The following DPH6 variants were observed in gnomAD, a reference collection of about 807,000 sequenced individuals.
The protein encoded by DPH6 is diphthine--ammonia ligase.
In DPH6, 33 loss-of-function variants were observed where a neutral mutation model predicts 38.2. That is an observed-to-expected ratio of 0.86 (90% CI 0.65 to 1.15). The LOEUF (loss-of-function observed/expected upper bound fraction) is 1.15, where lower values mean the gene tolerates loss of function less well. Among genes scored for constraint, DPH6 ranks in the 50% most tolerant of loss-of-function variants. The probability of loss-of-function intolerance (pLI) is 0.00; values close to 1 mark genes in which losing one functional copy is unlikely to be tolerated. For missense variants in DPH6, 325 were observed against 320.0 expected, an observed-to-expected ratio of 1.02 and a Z score of -0.12; for synonymous variants, 108 against 103.0, an observed-to-expected ratio of 1.05 and a Z score of -0.30.
At chr15:35,385,950 C>T (rs949031985) in intron 6 of DPH6, among the ~76,000 whole-genome samples, 8 of 151,902 alleles carry the variant, frequency 5.3e-5, no homozygotes, top group African/African-American at 1.9e-4. Flanking sequence ...CACCCATTAA[C>T]TCTTCATTTA....
At chr15:35,480,375 T>G (rs1290369593) in intron 3 of DPH6, among the ~76,000 whole-genome samples, 1 of 152,088 alleles carries the variant, frequency 6.6e-6, no homozygotes, top group Non-Finnish European at 1.5e-5. Context: ...AGAGACCTGA[T>G]GATGATTTTT....
intron 3 of DPH6, among the ~76,000 whole-genome samples, chr15:35,466,882 C>T (rs1404528860): frequency 6.6e-6 from 1 of 152,044 alleles, no homozygotes; most frequent in Admixed American, 6.6e-5. Flanking sequence ...TAAAAAGATA[C>T]AAATGATACA....
chr15:35,473,338 C>T (rs1438559454), intron 3 of DPH6, among the ~76,000 whole-genome samples: 1 of 152,028 alleles, frequency 6.6e-6, no homozygotes, highest in Admixed American at 6.6e-5. Flanking sequence ...AAATCAGAGG[C>T]ATCATTATTA....
the DPH6 span, among the ~76,000 whole-genome samples, chr15:35,161,924 G>A: frequency 1.6e-3 from 245 of 151,980 alleles, no homozygotes; most frequent in African/African-American, 5.6e-3. Context: ...TTGCCTTCCA[G>A]ACTGCTTCTC....
Position 35,292,212 on chromosome 15 carries a change from T to C in DPH6, n.201-71630A>G, listed in dbSNP as rs16960756. Reference sequence around the variant, plus strand: ...TGCCATGCTAAAAATGTATTCTTTATAGTTGTATCCAAAGTAAACACGCTC... The same window carrying C: ...TGCCATGCTAAAAATGTATTCTTTACAGTTGTATCCAAAGTAAACACGCTC... On this transcript the variant is annotated intron_variant and non_coding_transcript_variant, in intron 3 of 3. Transcript: ENST00000560386. 3.4e-3 allele frequency among the ~76,000 whole-genome samples: 513 copies of C among 152,300 alleles called. 19 individuals are homozygous for C. The East Asian group carries it at 0.084, about 25-fold the overall frequency.
chr15:35,359,190 C>G (rs545358188), intron 3 of DPH6, among the ~76,000 whole-genome samples: 1 of 151,954 alleles, frequency 6.6e-6, no homozygotes, highest in Non-Finnish European at 1.5e-5. Flanking sequence ...CAGGCCTCAC[C>G]CAGCTCCCAG....
At chr15:35,524,713 T>C (rs2054973075) in intron 3 of DPH6, among the ~76,000 whole-genome samples, 1 of 152,166 alleles carries the variant, frequency 6.6e-6, no homozygotes, top group Non-Finnish European at 1.5e-5. Flanking sequence ...CTTATAGCAG[T>C]TATCTAGAAG....
At chr15:35,425,625 C>A (rs1030287586) in intron 5 of DPH6, among the ~76,000 whole-genome samples, 1 of 149,772 alleles carries the variant, frequency 6.7e-6, no homozygotes, top group African/African-American at 2.4e-5. Context: ...ATATACATAT[C>A]TAATGTACAT....
At chr15:35,457,340 C>T (rs534308701) in intron 3 of DPH6, among the ~76,000 whole-genome samples, 77 of 151,494 alleles carry the variant, frequency 5.1e-4, no homozygotes, top group African/African-American at 1.8e-3. Flanking sequence ...AGCCTATATA[C>T]AGACCATCAG....
the DPH6 span, among the ~76,000 whole-genome samples, chr15:35,155,254 A>AGAGC: frequency 8.7e-6 from 1 of 114,298 alleles, no homozygotes; most frequent in African/African-American, 2.5e-5. Context: ...AACTGAAACA[A>AGAGC]GAGCCAGAGA....
chr15:35,334,070 C>G (rs2052348633), intron 3 of DPH6, among the ~76,000 whole-genome samples: 1 of 151,708 alleles, frequency 6.6e-6, no homozygotes, highest in Non-Finnish European at 1.5e-5. Flanking sequence ...CTAATGGGCA[C>G]CAAACAGGCC....
At chr15:35,395,299 T>C (rs2053116429) in intron 6 of DPH6, among the ~76,000 whole-genome samples, 1 of 152,206 alleles carries the variant, frequency 6.6e-6, no homozygotes, top group Non-Finnish European at 1.5e-5. Context: ...CTGTTTCCCA[T>C]AACAGCATCT....
chr15:35,530,771 A>C (rs1264892436), intron 3 of DPH6, among the ~76,000 whole-genome samples: 1 of 152,178 alleles, frequency 6.6e-6, no homozygotes, highest in Non-Finnish European at 1.5e-5. Flanking sequence ...TTCCAGACAG[A>C]TCTTCCTTCA....
At chr15:35,374,618 C>G (rs2052756244) in intron 7 of DPH6, among the ~76,000 whole-genome samples, 2 of 152,092 alleles carry the variant, frequency 1.3e-5, no homozygotes, top group Admixed American at 1.3e-4. Context: ...AATTATCATT[C>G]ATGAACCTTT....
chr15:35,148,393 C>G, the DPH6 span, among the ~76,000 whole-genome samples: 27 of 152,238 alleles, frequency 1.8e-4, no homozygotes, highest in African/African-American at 5.8e-4. Context: ...ATGTGTTCAG[C>G]TTACATATAG....
At chr15:35,223,662 G>A (rs553850095) in intron 3 of DPH6, among the ~76,000 whole-genome samples, 1 of 152,086 alleles carries the variant, frequency 6.6e-6, no homozygotes, top group South Asian at 2.1e-4. Flanking sequence ...CTCCAGCCTG[G>A]GCGACAGAGC....
At chr15:35,238,822 C>G (rs968525600) in intron 3 of DPH6, among the ~76,000 whole-genome samples, 1 of 151,630 alleles carries the variant, frequency 6.6e-6, no homozygotes, top group African/African-American at 2.4e-5. Flanking sequence ...GAATTTCCTT[C>G]TCCTGGCTCA....
intron 3 of DPH6, among the ~76,000 whole-genome samples, chr15:35,353,623 T>C (rs967876764): frequency 9.2e-5 from 14 of 152,248 alleles, no homozygotes; most frequent in Admixed American, 9.2e-4. Flanking sequence ...GGATCTGTTC[T>C]GTTCCATTGG....
intron 3 of DPH6, chr15:35,490,207 GA>G: frequency 7.1e-6 from 7 of 984,920 alleles, no homozygotes; most frequent in Non-Finnish European, 8.4e-6. Context: ...CCTAAAGGAA[GA>G]AAGGAAGGAA....
Sources: allele counts gnomAD v4.1 joint callset (sites outside exome capture counted in the v4.1 genomes callset), GRCh38; gene constraint gnomAD v4.1.1; transcripts MANE v1.5; gene names NCBI Gene and HGNC (gene_info 2026-07-23, HGNC 2026-07-21).